The following ZDHHC14 variants were observed in gnomAD, a reference collection of about 807,000 sequenced individuals.
ZDHHC14 encodes palmitoyltransferase ZDHHC14.
In ZDHHC14, 16 loss-of-function variants were observed where a neutral mutation model predicts 47.7. The ratio of observed to expected loss-of-function variants is 0.34; its 90% CI spans 0.23 to 0.51. The LOEUF is 0.51. ZDHHC14 is among the 20% of genes least tolerant of loss of function. ZDHHC14 has a pLI of 0.97. For missense variants in ZDHHC14, 515 were observed against 662.5 expected, an observed-to-expected ratio of 0.78 and a Z score of 2.44; for synonymous variants, 293 against 278.9, an observed-to-expected ratio of 1.05 and a Z score of -0.50.
chr6:157,566,714 G>A (rs9379326), intron 2 of ZDHHC14, among the ~76,000 whole-genome samples: 37,342 of 152,008 alleles, frequency 0.25, 4,910 homozygotes, highest in East Asian at 0.51. Flanking sequence ...GTGAGCCTTC[G>A]AGGAGTTTGG....
chr6:157,424,537 C>T (rs151154651), intron 1 of ZDHHC14, among the ~76,000 whole-genome samples: 1,973 of 152,254 alleles, frequency 0.013, 17 homozygotes, highest in Non-Finnish European at 0.018. Context: ...AAGCTCTAAG[C>T]GGAACACCTG....
intron 8 of ZDHHC14, among the ~76,000 whole-genome samples, chr6:157,661,359 T>A (rs1386929194): frequency 6.6e-6 from 1 of 152,252 alleles, no homozygotes; most frequent in Non-Finnish European, 1.5e-5. Context: ...ATGTTTGTCA[T>A]CTGAGATACT....
At chr6:157,500,588 T>C (rs777393696) in intron 1 of ZDHHC14, among the ~76,000 whole-genome samples, 13 of 152,144 alleles carry the variant, frequency 8.5e-5, no homozygotes, top group Non-Finnish European at 1.3e-4. Flanking sequence ...ATTTTGACAG[T>C]GACACGATTT....
At chr6:157,394,492 C>T (rs1426574007) in intron 1 of ZDHHC14, among the ~76,000 whole-genome samples, 2 of 152,202 alleles carry the variant, frequency 1.3e-5, no homozygotes, top group East Asian at 3.9e-4. Context: ...AAGTCTAGCT[C>T]CCTGGACACC....
chr6:157,526,036 G>A (rs1291121454), intron 1 of ZDHHC14, among the ~76,000 whole-genome samples: 1 of 152,148 alleles, frequency 6.6e-6, no homozygotes, highest in Admixed American at 6.5e-5. Flanking sequence ...ATGCTCATAA[G>A]CTTTCACTTT....
intron 1 of ZDHHC14, among the ~76,000 whole-genome samples, chr6:157,477,235 C>T (rs1037320999): frequency 6.6e-6 from 1 of 152,166 alleles, no homozygotes; most frequent in East Asian, 1.9e-4. Context: ...CAAAAATTAG[C>T]TGGGCGTGGT....
At position 157,676,505 on chromosome 6, in the gene ZDHHC14, G is replaced by A. The variant is rs1252956553; in HGVS notation, c.*3383G>A. 1 of 152,432 alleles carries A rather than the reference G, an allele frequency of 6.6e-6. No individual in the cohort carries two copies. Among genetic ancestry groups the A allele is most frequent in the Non-Finnish European group, 1.5e-5 (1 of 68,180 alleles). The allele number at this position is 152,432 out of a possible 1,614,324, so 9.4% of individuals were successfully genotyped here. ...GGAGCAAACCCATTTTATGAGCCAT[G>A]TTCCTGCGGAGACCTGATGGGCCAG... On this transcript the variant is annotated 3_prime_UTR_variant, in exon 9 of 9. Transcript: ENST00000359775.
At chr6:157,450,106 C>T (rs994695522) in intron 1 of ZDHHC14, among the ~76,000 whole-genome samples, 1 of 151,760 alleles carries the variant, frequency 6.6e-6, no homozygotes, top group Admixed American at 6.6e-5. Flanking sequence ...TTTGTATCTG[C>T]CACCTGTCTA....
intron 1 of ZDHHC14, among the ~76,000 whole-genome samples, chr6:157,437,757 T>A (rs1778470673): frequency 6.6e-6 from 1 of 152,210 alleles, no homozygotes; most frequent in Admixed American, 6.5e-5. Flanking sequence ...ATTCATATAT[T>A]TAAAACCAAA....
chr6:157,662,650 C>T (rs1456375757), intron 8 of ZDHHC14, among the ~76,000 whole-genome samples: 3 of 152,246 alleles, frequency 2.0e-5, no homozygotes, highest in Non-Finnish European at 4.4e-5. Flanking sequence ...GGATGTAAAA[C>T]TAGGAGCTAG....
intron 1 of ZDHHC14, among the ~76,000 whole-genome samples, chr6:157,468,508 T>A (rs570515012): frequency 1.3e-5 from 2 of 152,320 alleles, no homozygotes; most frequent in African/African-American, 4.8e-5. Flanking sequence ...ATTGCAAACA[T>A]GTGGCATTTA....
chr6:157,385,726 T>C (rs1053002519), intron 1 of ZDHHC14, among the ~76,000 whole-genome samples: 1 of 152,244 alleles, frequency 6.6e-6, no homozygotes, highest in Non-Finnish European at 1.5e-5. Context: ...CACCTAGGGT[T>C]GCACAGCTAA....
intron 1 of ZDHHC14, among the ~76,000 whole-genome samples, chr6:157,496,111 T>C (rs1780056781): frequency 6.6e-6 from 1 of 152,212 alleles, no homozygotes; most frequent in Non-Finnish European, 1.5e-5. Context: ...CCTGTTCTCC[T>C]GATAAAGTGG....
At chr6:157,519,063 C>T (rs985500932) in intron 1 of ZDHHC14, among the ~76,000 whole-genome samples, 1 of 152,208 alleles carries the variant, frequency 6.6e-6, no homozygotes, top group African/African-American at 2.4e-5. Flanking sequence ...AGGGCTGGCT[C>T]ATGGCTCACT....
intron 8 of ZDHHC14, among the ~76,000 whole-genome samples, chr6:157,663,861 C>G (rs541746874): frequency 6.6e-6 from 1 of 152,316 alleles, no homozygotes; most frequent in South Asian, 2.1e-4. Flanking sequence ...CTGCTAACCC[C>G]TCACAGCACC....
rs558268179 is a variant in ZDHHC14, at chr6:157,409,234, C to T, written c.245+26968C>T. ...CAACTAGCACTTTCTGCTTCCGCGTCCCAGGGGGATGTGGGTGTGTTGAAT... is the reference window on the plus strand; with the variant it reads ...CAACTAGCACTTTCTGCTTCCGCGTTCCAGGGGGATGTGGGTGTGTTGAAT... On this transcript the variant is annotated intron_variant, in intron 1 of 8. Transcript: ENST00000359775. Among the ~76,000 whole-genome samples the T allele has an allele frequency of 2.0e-4, 31 of 152,320 alleles. No individual in the cohort carries two copies. In the South Asian group the frequency reaches 5.0e-3, roughly 24 times the overall value.
chr6:157,482,108 T>C (rs777327976), intron 1 of ZDHHC14, among the ~76,000 whole-genome samples: 1 of 152,190 alleles, frequency 6.6e-6, no homozygotes, highest in Non-Finnish European at 1.5e-5. Context: ...GCAAAAAAAG[T>C]GCACGATCTT....
At chr6:157,429,236 A>G (rs1778287256) in intron 1 of ZDHHC14, among the ~76,000 whole-genome samples, 1 of 152,236 alleles carries the variant, frequency 6.6e-6, no homozygotes. Context: ...TTACTAGGTC[A>G]TGAAATCAAC....
chr6:157,452,690 A>ATTTT lies in ZDHHC14; in HGVS notation c.245+70451_245+70454dup, dbSNP rs747862336. ...TCATAAAGATCACTAATACATGGGGATTTTTTTTTTTTTTTTTTTTTTTTT... is the reference window on the plus strand; with the variant it reads ...TCATAAAGATCACTAATACATGGGGATTTTTTTTTTTTTTTTTTTTTTTTTTTTT... On this transcript the variant is annotated intron_variant, in intron 1 of 8. Coordinates refer to ENST00000359775, the MANE Select transcript of ZDHHC14 (RefSeq NM_024630.3). Among the ~76,000 whole-genome samples the ATTTT allele has an allele frequency of 7.1e-3, 518 of 72,970 alleles. 50 individuals carry two copies. Among genetic ancestry groups the ATTTT allele is most frequent in the African/African-American group, 0.012 (208 of 17,684 alleles). The allele number at this position is 72,970 out of a possible 152,430, so 47.9% of individuals were successfully genotyped here.
Sources: gnomAD v4.1 joint callset for allele counts (sites outside exome capture counted in the v4.1 genomes callset) on GRCh38, gnomAD v4.1.1 for gene constraint, MANE v1.5 for transcripts, NCBI Gene and HGNC (gene_info 2026-07-23, HGNC 2026-07-21) for gene names.